The following ARSF variants were observed in gnomAD, a reference collection of about 807,000 sequenced individuals.
The protein encoded by ARSF is arylsulfatase F.
Under a neutral mutation model 35.4 loss-of-function variants are expected in ARSF, and 33 were observed. That is an observed-to-expected ratio of 0.93 (90% CI 0.71 to 1.25). The LOEUF (loss-of-function observed/expected upper bound fraction) is 1.25, where lower values mean the gene tolerates loss of function less well. Ranked by LOEUF, ARSF falls within the 50% of genes most tolerant of loss-of-function variation. The pLI is 0.00. For missense variants in ARSF, 501 were observed against 480.2 expected, an observed-to-expected ratio of 1.04 and a Z score of -0.40; for synonymous variants, 222 against 193.1, an observed-to-expected ratio of 1.15 and a Z score of -1.24.
chrX:3,076,609 G>A lies in ARSF; in HGVS notation c.223G>A (p.Ala75Thr), dbSNP rs752507528. ...GVRLTQHISA[A>T]SLCSPSRSAF... ...GCGACTGACTCAGCACATCTCTGCC[G>A]CCTCCCTCTGCAGCCCAAGCCGGTC... The change falls in exon 4 of 11, where the codon GCC (alanine) becomes ACC (threonine). Residue 75 changes from alanine to threonine, a missense_variant. By Grantham distance (58) the Ala-to-Thr change is moderately conservative. Coordinates refer to ENST00000381127, the MANE Select transcript of ARSF (RefSeq NM_001201539.2). The A allele has an allele frequency of 9.1e-6, 11 of 1,208,633 alleles. No individual in the cohort carries two copies. Among genetic ancestry groups the A allele is most frequent in the East Asian group, 3.0e-5 (1 of 33,701 alleles).
chrX:3,043,894 C>T (rs1311020373), intron 1 of ARSF, among the ~76,000 whole-genome samples: 1 of 111,069 alleles, frequency 9.0e-6, no homozygotes, highest in Non-Finnish European at 1.9e-5. Flanking sequence ...GATCCTCCTG[C>T]CTCACCTCAG....
At chrX:3,073,137 AT>A (rs1449535881) in intron 3 of ARSF, among the ~76,000 whole-genome samples, 12 of 99,091 alleles carry the variant, frequency 1.2e-4, no homozygotes, top group African/African-American at 4.3e-4. Context: ...TTCATTTTAT[AT>A]AAATAAATAT....
intron 6 of ARSF, among the ~76,000 whole-genome samples, chrX:3,086,548 G>A (rs1350915326): frequency 8.9e-6 from 1 of 112,165 alleles, no homozygotes; most frequent in East Asian, 2.8e-4. Flanking sequence ...TGAGTCCAAT[G>A]GCTCATGCCT....
chrX:3,092,176 G>GATACATACATACATACATATATAC (rs2090297442), intron 7 of ARSF, among the ~76,000 whole-genome samples: 1 of 41,137 alleles, frequency 2.4e-5, no homozygotes, highest in South Asian at 2.0e-3. Flanking sequence ...ATGATAGATA[G>GATACATACATACATACATATATAC]ATACATACAT....
intron 5 of ARSF, among the ~76,000 whole-genome samples, chrX:3,081,365 C>T (rs2090200620): frequency 8.9e-6 from 1 of 111,948 alleles, no homozygotes; most frequent in Non-Finnish European, 1.9e-5. Context: ...ACAGAGGAGT[C>T]TCACTGTGTC....
intron 5 of ARSF, among the ~76,000 whole-genome samples, chrX:3,083,684 CCTAT>C (rs762051666): frequency 9.3e-4 from 104 of 111,709 alleles, no homozygotes; most frequent in African/African-American, 3.3e-3. Flanking sequence ...TGTCTATCTA[CCTAT>C]CTTTCTGTCT....
intron 1 of ARSF, among the ~76,000 whole-genome samples, chrX:3,050,731 G>A (rs962383113): frequency 1.8e-5 from 2 of 110,819 alleles, no homozygotes; most frequent in African/African-American, 6.6e-5. Context: ...GGGTTGGGCT[G>A]TCCACATGCA....
intron 1 of ARSF, among the ~76,000 whole-genome samples, chrX:3,054,902 AT>A (rs2090011577): frequency 9.4e-6 from 1 of 106,655 alleles, no homozygotes; most frequent in Admixed American, 1.0e-4. Context: ...CCTGGCTAAT[AT>A]TTTTTGTATT....
chrX:3,080,956 A>C lies in ARSF; in HGVS notation c.349A>C (p.Asn117His). The change falls in exon 5 of 11, where the codon AAT becomes CAT. Residue 117 changes from asparagine (N) to histidine (H), a missense_variant. Coordinates refer to ENST00000381127, the MANE Select transcript of ARSF (RefSeq NM_001201539.2). The part of the protein sequence containing the change: ...NLAVPAGLPL[N>H]ETTLAALLKK... ...TGCAGTCCCCGCAGGCCTCCCTCTT[A>C]ATGAGACAACACTTGCAGCCTTGCT... 8.3e-7 allele frequency: 1 copy of C among 1,211,495 alleles called. No homozygotes were observed. The highest frequency in any genetic ancestry group is 3.0e-5 in the East Asian group (1 of 33,830).
At chrX:3,057,960 G>A (rs977434247) in intron 1 of ARSF, among the ~76,000 whole-genome samples, 2 of 111,821 alleles carry the variant, frequency 1.8e-5, no homozygotes, top group African/African-American at 6.5e-5. Flanking sequence ...ACCACTCAAT[G>A]GACAGCAGAA....
At chrX:3,068,934 G>A (rs1348320924) in intron 2 of ARSF, among the ~76,000 whole-genome samples, 1 of 112,248 alleles carries the variant, frequency 8.9e-6, no homozygotes, top group African/African-American at 3.2e-5. Flanking sequence ...TTGTTTCAGA[G>A]TATTTACAAA....
In ARSF at chrX:3,110,141, C is replaced by A; in HGVS notation, c.1279C>A (p.Arg427=). The A allele has an allele frequency of 1.7e-6, 2 of 1,191,041 alleles. No homozygotes were observed. Among genetic ancestry groups the A allele is most frequent in the Non-Finnish European group, 2.3e-6 (2 of 884,560 alleles). The change falls in exon 10 of 11, where the codon CGA becomes AGA. Residue 427 remains arginine, a synonymous_variant. Coordinates refer to ENST00000381127, the MANE Select transcript of ARSF (RefSeq NM_001201539.2). ...GTGTCTCTGCAGGGTCATTGACGGC[C>A]GAGACCTCATGCCCTTGCTGCAGGG... The part of the protein sequence containing the change: ...SLPQDRVIDG[R]DLMPLLQGNV...
intron 9 of ARSF, among the ~76,000 whole-genome samples, chrX:3,106,153 T>C (rs747536803): frequency 1.8e-5 from 2 of 112,270 alleles, no homozygotes; most frequent in Non-Finnish European, 3.7e-5. Flanking sequence ...CCTGCAACCA[T>C]GACTCCACTA....
At chrX:3,050,942 G>A (rs771872132) in intron 1 of ARSF, among the ~76,000 whole-genome samples, 13 of 111,571 alleles carry the variant, frequency 1.2e-4, no homozygotes, top group Non-Finnish European at 2.4e-4. Context: ...GGAAACTGCT[G>A]ACCACCAGTT....
intron 6 of ARSF, among the ~76,000 whole-genome samples, chrX:3,085,138 C>T (rs771293176): frequency 2.7e-5 from 3 of 109,805 alleles, no homozygotes; most frequent in Non-Finnish European, 5.7e-5. Context: ...AAATCATGGC[C>T]TCTCTATTGG....
At chrX:3,100,212 G>T (rs1010259945) in intron 7 of ARSF, among the ~76,000 whole-genome samples, 1 of 112,317 alleles carries the variant, frequency 8.9e-6, no homozygotes. Context: ...AATGGTTAAA[G>T]AATTACTTAT....
intron 1 of ARSF, chrX:3,058,588 C>T (rs1193982983): frequency 3.1e-6 from 1 of 325,159 alleles, no homozygotes; most frequent in South Asian, 2.7e-5. Flanking sequence ...CATGATGGCT[C>T]ACACCTATAA....
chrX:3,094,936 A>G (rs2090329160), intron 7 of ARSF, among the ~76,000 whole-genome samples: 2 of 109,063 alleles, frequency 1.8e-5, no homozygotes, highest in African/African-American at 3.3e-5. Context: ...ATATATGAAT[A>G]TATATTATGT....
chrX:3,063,090 G>A (rs1443315193), intron 1 of ARSF, among the ~76,000 whole-genome samples: 2 of 111,543 alleles, frequency 1.8e-5, no homozygotes, highest in East Asian at 2.8e-4. Flanking sequence ...GCAGCACATC[G>A]AAAAGCTTAT....
Sources: gnomAD v4.1 joint callset for allele counts (sites outside exome capture counted in the v4.1 genomes callset) on GRCh38, gnomAD v4.1.1 for gene constraint, MANE v1.5 for transcripts, NCBI Gene and HGNC (gene_info 2026-07-23, HGNC 2026-07-21) for gene names.